Variants in NUP85 observed in about 807,000 individuals in gnomAD.
NUP85 encodes the protein nucleoporin 85.
A neutral mutation model predicts 92.8 loss-of-function variants in NUP85; 23 were observed. That is an observed-to-expected ratio of 0.25 (90% CI 0.18 to 0.35). The LOEUF is 0.35. Among genes scored for constraint, NUP85 ranks in the 10% least tolerant of loss-of-function variants. The pLI is 1.00. For synonymous variants in NUP85, 314 were observed against 306.9 expected (o/e 1.02, Z -0.24); for missense variants, 759 against 822.8 (o/e 0.92, Z 0.95).
chr17:75,210,720 G>A (rs138215593), intron 3 of NUP85, among the ~76,000 whole-genome samples: 1 of 152,038 alleles, frequency 6.6e-6, no homozygotes, highest in East Asian at 1.9e-4. Flanking sequence ...GTTTTTTTTC[G>A]AGGCAGAGTT....
rs2076280757 is a variant in NUP85, at chr17:75,235,097, T to C, written c.1768-3T>C. Reference sequence around the variant, plus strand: ...GCCAAGCAAGGCAGGCTCTCTTCCCTAGGTGATTTTCTCAGCAGAACAGAC... The same window carrying C: ...GCCAAGCAAGGCAGGCTCTCTTCCCCAGGTGATTTTCTCAGCAGAACAGAC... On this transcript the variant is annotated splice_region_variant and splice_polypyrimidine_tract_variant and intron_variant, in intron 17 of 18. Transcript: ENST00000245544. The C allele has an allele frequency of 1.2e-6, 2 of 1,612,742 alleles. No homozygotes were observed. The highest frequency in any genetic ancestry group is 1.7e-6 in the Non-Finnish European group (2 of 1,178,924).
rs1218134963 is a variant in NUP85 at position 75,234,776 on chromosome 17, G to C, written c.1755G>C (p.Leu585Phe). The change falls in exon 17 of 19, where the codon TTG becomes TTC. Residue 585 changes from leucine to phenylalanine, a missense_variant. Physicochemically the swap from Leu to Phe is conservative, Grantham distance 22. Coordinates refer to ENST00000245544, the MANE Select transcript of NUP85 (RefSeq NM_024844.5). ...TGCTGACAGACGCCTTGCCCCTTTT[G>C]GAACAGAAACAGGTGAAGGTTGCAG... Reference protein sequence around the residue: ...MTLLTDALPLLEQKQVIFSAE... With the variant: ...MTLLTDALPLFEQKQVIFSAE... 9.9e-6 allele frequency: 16 copies of C among 1,614,152 alleles called. No homozygotes were observed. The highest frequency in any genetic ancestry group is 1.4e-5 in the Non-Finnish European group (16 of 1,180,040).
intron 7 of NUP85, among the ~76,000 whole-genome samples, chr17:75,223,008 C>T (rs1375516097): frequency 7.1e-6 from 1 of 140,988 alleles, no homozygotes; most frequent in East Asian, 2.0e-4. Flanking sequence ...GCACTCCAGC[C>T]TGGGCGACAG....
intron 7 of NUP85, among the ~76,000 whole-genome samples, chr17:75,223,449 G>T (rs1390824585): frequency 6.6e-6 from 1 of 151,812 alleles, no homozygotes; most frequent in Non-Finnish European, 1.5e-5. Context: ...GTGCAGTGGC[G>T]TGATCTTGGC....
chr17:75,229,454 C>G (rs539164933), intron 11 of NUP85, among the ~76,000 whole-genome samples: 170 of 152,286 alleles, frequency 1.1e-3, no homozygotes, highest in African/African-American at 4.0e-3. Context: ...AGCGTTCTCT[C>G]GTTTTCAGCA....
chr17:75,229,041 A>C (rs1318128057), intron 11 of NUP85: 2 of 985,370 alleles, frequency 2.0e-6, no homozygotes, highest in Non-Finnish European at 1.2e-6. Flanking sequence ...TGGCAAGAGG[A>C]AACAGCTGGG....
intron 1 of NUP85, among the ~76,000 whole-genome samples, chr17:75,207,672 G>A (rs950773413): frequency 7.3e-5 from 11 of 151,554 alleles, no homozygotes; most frequent in Non-Finnish European, 1.0e-4. Context: ...TAGAGATGGG[G>A]TTTCACCATC....
At chr17:75,225,972 G>A in intron 10 of NUP85, 79 bp from the exon 11 acceptor site, 2 of 1,599,492 alleles carry the variant, frequency 1.3e-6, no homozygotes, top group Non-Finnish European at 1.7e-6. Flanking sequence ...CTTCTCTGGG[G>A]TTCGTTATAC....
chr17:75,208,083 G>A (rs902444136), intron 1 of NUP85: 1 of 153,458 alleles, frequency 6.5e-6, no homozygotes, highest in Non-Finnish European at 1.4e-5. Flanking sequence ...AGTGTTATAA[G>A]GAAATGTTAT....
intron 7 of NUP85, among the ~76,000 whole-genome samples, chr17:75,222,907 C>T (rs534868809): frequency 1.1e-4 from 16 of 151,826 alleles, no homozygotes; most frequent in African/African-American, 3.1e-4. Context: ...TGGTGGCAGG[C>T]GCCTGTAGTC....
At chr17:75,214,872 A>C (rs1159002453) in intron 5 of NUP85, among the ~76,000 whole-genome samples, 2 of 145,630 alleles carry the variant, frequency 1.4e-5, no homozygotes, top group Admixed American at 1.4e-4. Flanking sequence ...AAAAAACAAA[A>C]AACAAAAACT....
chr17:75,212,863 C>T (rs986068134), intron 4 of NUP85, among the ~76,000 whole-genome samples: 8 of 151,852 alleles, frequency 5.3e-5, no homozygotes, highest in Admixed American at 2.0e-4. Context: ...TTGAAAGTGC[C>T]ATTTTGTAAC....
chr17:75,234,573 G>C, intron 16 of NUP85, 64 bp from the exon 17 acceptor site: 1 of 1,567,782 alleles, frequency 6.4e-7, no homozygotes, highest in Non-Finnish European at 8.8e-7. Flanking sequence ...GGTGACTTTT[G>C]TAGGTGTCAC....
chr17:75,212,718 C>T (rs2075314070), intron 4 of NUP85, among the ~76,000 whole-genome samples: 1 of 151,850 alleles, frequency 6.6e-6, no homozygotes, highest in Non-Finnish European at 1.5e-5. Flanking sequence ...ACGGGGTCTC[C>T]CTAATTTTTC....
At chr17:75,229,721 C>T (rs2075968903) in intron 11 of NUP85, among the ~76,000 whole-genome samples, 1 of 152,122 alleles carries the variant, frequency 6.6e-6, no homozygotes, top group Non-Finnish European at 1.5e-5. Flanking sequence ...TAGTTCTCTG[C>T]TCTCAGTGCT....
chr17:75,225,409 G>A lies in NUP85; in HGVS notation c.800G>A (p.Arg267Gln), dbSNP rs563377292. 7.4e-6 allele frequency: 12 copies of A among 1,614,034 alleles called. No individual in the cohort carries two copies. Among genetic ancestry groups the A allele is most frequent in the African/African-American group, 2.7e-5 (2 of 74,918 alleles). The part of the protein sequence containing the change: ...KWQHWHEECE[R>Q]YLQDSTFATS... ...CAGCACTGGCACGAGGAATGTGAGC[G>A]GTACCTCCAGGACAGCACATTCGCC... Residue 267 changes from arginine to glutamine, a missense_variant, in exon 9 of 19, where the codon CGG (arginine) becomes CAG (glutamine). Arg to Gln is a conservative substitution (Grantham distance 43). Coordinates refer to ENST00000245544, the MANE Select transcript of NUP85 (RefSeq NM_024844.5).
At chr17:75,213,555 A>G (rs1480851246) in intron 5 of NUP85, among the ~76,000 whole-genome samples, 1 of 152,042 alleles carries the variant, frequency 6.6e-6, no homozygotes, top group Non-Finnish European at 1.5e-5. Flanking sequence ...GACCTCCCAA[A>G]GTGGTGGGAT....
rs2075206054 is a variant in NUP85, at chr17:75,209,908, C to T, written c.213C>T (p.Leu71=). Residue 71 remains leucine (L), a synonymous_variant, in exon 3 of 19, where the codon CTC becomes CTT. Transcript: ENST00000245544. ...TTTACTCTCAAATCTTGAGAAAACT[C>T]TTCAATGAATCCCATGGAATCTTTC... ...VDVYSQILRK[L]FNESHGIFLG... is the part of the protein sequence containing the mutation. The T allele has an allele frequency of 1.9e-6, 3 of 1,586,384 alleles. No individual in the cohort carries two copies. The highest frequency in any genetic ancestry group is 2.3e-5 in the South Asian group (2 of 85,488).
rs146733557 is a variant in NUP85, at chr17:75,215,807, T to C, written c.459T>C (p.Phe153=). The C allele has an allele frequency of 5.2e-5, 84 of 1,614,022 alleles. No individual in the cohort carries two copies. In the African/African-American group the frequency reaches 9.3e-4, roughly 18 times the overall value. The change falls in exon 6 of 19, where the codon TTT becomes TTC. Residue 153 remains phenylalanine (F), a synonymous_variant. Coordinates refer to ENST00000245544, the MANE Select transcript of NUP85 (RefSeq NM_024844.5). ...ELIWNLCEIL[F]IEVAPAGPLL... Reference sequence around the variant, plus strand: ...TCTGGAACCTGTGTGAGATTCTTTTTATTGAAGTGGCCCCAGGTAGGCATG... The same window carrying C: ...TCTGGAACCTGTGTGAGATTCTTTTCATTGAAGTGGCCCCAGGTAGGCATG...
Sources: gnomAD v4.1 joint callset for allele counts (sites outside exome capture counted in the v4.1 genomes callset) on GRCh38, gnomAD v4.1.1 for gene constraint, MANE v1.5 for transcripts, NCBI Gene and HGNC (gene_info 2026-07-23, HGNC 2026-07-21) for gene names.